Variants in ZNF592 observed in about 807,000 individuals in gnomAD.
ZNF592 encodes zinc finger protein 592.
ZNF592 carries 11 observed loss-of-function variants against 80.3 expected under a neutral mutation model. The ratio of observed to expected loss-of-function variants is 0.14; its 90% CI spans 0.09 to 0.23. The LOEUF is 0.23. ZNF592 is among the 10% of genes least tolerant of loss of function. ZNF592 has a pLI of 1.00. For synonymous variants in ZNF592, 646 were observed against 640.3 expected (o/e 1.01, Z -0.13); for missense variants, 1,420 against 1,633.9 (o/e 0.87, Z 2.26).
chr15:84,800,074 C>A, intron 10 of ZNF592, 97 bp downstream of exon 10: 1 of 1,570,544 alleles, frequency 6.4e-7, no homozygotes, highest in Non-Finnish European at 8.7e-7. Context: ...ATGGAACAAC[C>A]AGAGTGACAG....
In ZNF592 at chr15:84,775,776, C is replaced by T. The variant is rs188775488; in HGVS notation, c.-149-2407C>T. 2.4e-3 allele frequency among the ~76,000 whole-genome samples: 371 copies of T among 152,262 alleles called. 1 individual carries two copies. The highest frequency in any genetic ancestry group is 4.1e-3 in the Non-Finnish European group (280 of 68,012). ...CTCAAATAATTCCAATAGGGTGATT[C>T]GGCATGCTGAGGCCCTTTCAAAACT... On this transcript the variant is annotated intron_variant, in intron 2 of 10. Coordinates refer to ENST00000560079, the MANE Select transcript of ZNF592 (RefSeq NM_014630.3).
intron 4 of ZNF592, among the ~76,000 whole-genome samples, chr15:84,787,584 C>T (rs1962627832): frequency 6.6e-6 from 1 of 152,152 alleles, no homozygotes; most frequent in Non-Finnish European, 1.5e-5. Context: ...GGGAGTCTGC[C>T]CCTGAATGGA....
Position 84,783,686 on chromosome 15 carries a change from G to C in ZNF592, c.1011G>C (p.Glu337Asp), listed in dbSNP as rs749172271. ...CAAAGAGTCCCCGGAGCCCTCTGGAGGCCACTAGAAAAAGTATCAAGCCAT... is the reference window on the plus strand; with the variant it reads ...CAAAGAGTCCCCGGAGCCCTCTGGACGCCACTAGAAAAAGTATCAAGCCAT... ...KSPKSPRSPL[E>D]ATRKSIKPSD... Residue 337 changes from glutamate to aspartate, a missense_variant, in exon 4 of 11, where the codon GAG becomes GAC. Physicochemically the swap from Glu to Asp is conservative, Grantham distance 45. This residue lies in a region of ZNF592 where 524 missense variants were observed against 628.3 expected (regional missense o/e 0.83). Coordinates refer to ENST00000560079, the MANE Select transcript of ZNF592 (RefSeq NM_014630.3). The surrounding 1 kb of genome is among the most constrained non-coding windows in gnomAD (Gnocchi z 5.0). The C allele has an allele frequency of 6.2e-7, 1 of 1,614,224 alleles. No individual in the cohort carries two copies. Among genetic ancestry groups the C allele is most frequent in the Non-Finnish European group, 8.5e-7 (1 of 1,180,044 alleles).
intron 1 of ZNF592, among the ~76,000 whole-genome samples, chr15:84,762,129 C>T (rs1467275452): frequency 2.0e-5 from 3 of 152,132 alleles, no homozygotes; most frequent in African/African-American, 7.2e-5. Flanking sequence ...TGATGGTCTG[C>T]TATGTGCCAG....
intron 5 of ZNF592, among the ~76,000 whole-genome samples, chr15:84,795,905 A>G (rs1962880849): frequency 6.6e-6 from 1 of 152,092 alleles, no homozygotes; most frequent in African/African-American, 2.4e-5. Flanking sequence ...ACAAGGAAGA[A>G]AAAAGATTGT....
At position 84,790,775 on chromosome 15, in the gene ZNF592, A is replaced by T; in HGVS notation, c.2291A>T (p.His764Leu). 1 of 1,614,190 alleles carries T rather than the reference A, an allele frequency of 6.2e-7. No individual in the cohort carries two copies. Among genetic ancestry groups the T allele is most frequent in the Non-Finnish European group, 8.5e-7 (1 of 1,180,038 alleles). ...TGTGCCCACCAGCGGATTCATGCAC[A>T]CAAGTCCCCCTACTGCTGCCCGGAG... ...SFCAHQRIHA[H>L]KSPYCCPECG... is the part of the protein sequence containing the mutation. Residue 764 changes from histidine (H) to leucine (L), a missense_variant, in exon 5 of 11, where the codon CAC becomes CTC. By Grantham distance (99) the His-to-Leu change is moderately conservative (BLOSUM62 -3). Coordinates refer to ENST00000560079, the MANE Select transcript of ZNF592 (RefSeq NM_014630.3).
At chr15:84,754,555 C>G (rs55939547) in intron 1 of ZNF592, 8,994 of 151,128 alleles carry the variant, frequency 0.06, 326 homozygotes, top group African/African-American at 0.074. Context: ...GAGCTAGATT[C>G]CATTTCAAAA....
chr15:84,776,827 G>A (rs1226780557), intron 2 of ZNF592, among the ~76,000 whole-genome samples: 1 of 152,132 alleles, frequency 6.6e-6, no homozygotes, highest in Non-Finnish European at 1.5e-5. Context: ...CAAGGCCGGT[G>A]GAATACGAGG....
intron 1 of ZNF592, among the ~76,000 whole-genome samples, chr15:84,753,848 T>C (rs1373255256): frequency 6.6e-6 from 1 of 152,246 alleles, no homozygotes; most frequent in Non-Finnish European, 1.5e-5. Context: ...GAGAGAGTTC[T>C]GAATGTTTGA....
chr15:84,796,260 ATATATTT>A (rs1262118793), intron 5 of ZNF592, among the ~76,000 whole-genome samples: 1 of 27,686 alleles, frequency 3.6e-5, no homozygotes, highest in African/African-American at 1.9e-4. Flanking sequence ...ATATATATAT[ATATATTT>A]TATATATATA....
intron 2 of ZNF592, among the ~76,000 whole-genome samples, chr15:84,769,060 C>T (rs1899622349): frequency 6.6e-6 from 1 of 152,098 alleles, no homozygotes; most frequent in Non-Finnish European, 1.5e-5. Flanking sequence ...CCTGCCTCAG[C>T]CTCCTGAGTA....
intron 2 of ZNF592, among the ~76,000 whole-genome samples, chr15:84,766,670 G>C (rs867935720): frequency 6.6e-6 from 1 of 150,422 alleles, no homozygotes; most frequent in Non-Finnish European, 1.5e-5. Context: ...AAAGTGTACC[G>C]TGGAGGAAGG....
rs768103864 is a variant in ZNF592 at position 84,784,535 on chromosome 15, C to T, written c.1860C>T (p.Cys620=). The T allele has an allele frequency of 1.9e-6, 3 of 1,614,192 alleles. No homozygotes were observed. Among genetic ancestry groups the T allele is most frequent in the East Asian group, 2.2e-5 (1 of 44,878 alleles). The change falls in exon 4 of 11, where the codon TGC becomes TGT. Residue 620 remains cysteine, a synonymous_variant. Coordinates refer to ENST00000560079, the MANE Select transcript of ZNF592 (RefSeq NM_014630.3). The surrounding 1 kb of genome is among the most constrained non-coding windows in gnomAD (Gnocchi z 5.8). ...SVHIEVLCTL[C]SKTLLFFNKC... ...ACATTGAGGTACTGTGCACACTGTG[C>T]TCCAAGACGCTGCTCTTCTTCAACA...
chr15:84,795,988 G>A (rs113397299), intron 5 of ZNF592, among the ~76,000 whole-genome samples: 8,485 of 151,694 alleles, frequency 0.056, 298 homozygotes, highest in African/African-American at 0.068. Context: ...TTGGGAGGCC[G>A]AGGTCAGTGG....
intron 2 of ZNF592, among the ~76,000 whole-genome samples, chr15:84,766,509 A>G (rs947002280): frequency 3.9e-5 from 6 of 152,074 alleles, no homozygotes; most frequent in Non-Finnish European, 8.8e-5. Context: ...CTGAGCAGTC[A>G]TGGTGAAAGA....
intron 4 of ZNF592, among the ~76,000 whole-genome samples, chr15:84,790,328 G>A (rs1006330773): frequency 6.6e-6 from 1 of 152,144 alleles, no homozygotes; most frequent in Non-Finnish European, 1.5e-5. Context: ...ACTGAGCTGT[G>A]ACAGAGACCC....
intron 2 of ZNF592, among the ~76,000 whole-genome samples, chr15:84,771,149 G>C (rs1899689696): frequency 6.6e-6 from 1 of 152,130 alleles, no homozygotes; most frequent in South Asian, 2.1e-4. Context: ...GGAAAGACAT[G>C]ACCCCCACAC....
In ZNF592 at chr15:84,784,215, A is replaced by C. The variant is rs1432752469; in HGVS notation, c.1540A>C (p.Ser514Arg). ...GGCCAACCTGAACCTCGTCCCCCAC[A>C]GTGTTGCTGCATCAGTGACAGCCAA... ...HLANLNLVPH[S>R]VAASVTAKSS... is the part of the protein sequence containing the mutation. Residue 514 changes from serine (S) to arginine (R), a missense_variant, in exon 4 of 11, where the codon AGT (serine) becomes CGT (arginine). Physicochemically the swap from Ser to Arg is moderately radical, Grantham distance 110. Transcript: ENST00000560079. The surrounding 1 kb of genome is among the most constrained non-coding windows in gnomAD (Gnocchi z 5.8). 6.2e-7 allele frequency: 1 copy of C among 1,614,182 alleles called. No homozygotes were observed. The highest frequency in any genetic ancestry group is 8.5e-7 in the Non-Finnish European group (1 of 1,180,020).
chr15:84,778,398 C>G (rs1962325175), intron 3 of ZNF592, 86 bp downstream of exon 3: 1 of 153,774 alleles, frequency 6.5e-6, no homozygotes, highest in Non-Finnish European at 1.5e-5. Context: ...ATTCACGTAG[C>G]CCGAGAAAAA....
Sources: gnomAD v4.1 joint callset for allele counts (sites outside exome capture counted in the v4.1 genomes callset) on GRCh38, gnomAD v4.1.1 for gene constraint, gnomAD v4.1.1 regional missense constraint, Gnocchi (gnomAD v3.1) non-coding constraint, MANE v1.5 for transcripts, NCBI Gene and HGNC (gene_info 2026-07-23, HGNC 2026-07-21) for gene names.